Variants in SETD1B observed in about 807,000 individuals in gnomAD.
The protein encoded by SETD1B is histone-lysine N-methyltransferase SETD1B.
In SETD1B, 7 loss-of-function variants were observed where a neutral mutation model predicts 148.0. The observed-to-expected ratio is 0.05, with a 90% CI of 0.03 to 0.09. The LOEUF (loss-of-function observed/expected upper bound fraction) is 0.09. SETD1B is among the 10% of genes least tolerant of loss of function. SETD1B has a pLI of 1.00. For synonymous variants in SETD1B, 1,361 were observed against 1,186.5 expected, an observed-to-expected ratio of 1.15 and a Z score of -3.02; for missense variants, 2,155 against 2,729.9, an observed-to-expected ratio of 0.79 and a Z score of 4.69.
chr12:121,822,766 T>C lies in SETD1B; in HGVS notation c.4187T>C (p.Leu1396Pro). 6.6e-7 allele frequency: 1 copy of C among 1,516,478 alleles called. No individual in the cohort carries two copies. The highest frequency in any genetic ancestry group is 8.9e-7 in the Non-Finnish European group (1 of 1,125,348). The allele number at this position is 1,516,478 out of a possible 1,614,324, so 93.9% of individuals were successfully genotyped here. A position where few individuals can be genotyped will look rare whatever the true frequency, so the allele number is the denominator to read the frequency against. ...EPPLSGGSSG[L>P]SLSSPQVPGS... ...CCGCTATCAGGGGGCAGCAGTGGCCTGTCCCTGAGCTCTCCGCAAGTGCCC... is the reference window on the plus strand; with the variant it reads ...CCGCTATCAGGGGGCAGCAGTGGCCCGTCCCTGAGCTCTCCGCAAGTGCCC... Residue 1396 changes from leucine to proline, a missense_variant, in exon 12 of 17, where the codon CTG (leucine) becomes CCG (proline). Transcript: ENST00000604567.
rs551154274 is a variant in SETD1B at position 121,830,474 on chromosome 12, G to A, written c.*235G>A. The A allele has an allele frequency of 1.1e-3, 489 of 436,524 alleles. 11 individuals are homozygous for A. The South Asian group carries it at 0.019, about 17-fold the overall frequency. The allele number at this position is 436,524 out of a possible 1,614,324, so 27.0% of individuals were successfully genotyped here. A position where few individuals can be genotyped will look rare whatever the true frequency, so the allele number is the denominator to read the frequency against. ...CCACGTCTCTCTCATTTTAACAAAC[G>A]CCCCTTTCAGGATTTCTGTTTAACT... is the stretch of plus-strand genomic sequence containing the variant. On this transcript the variant is annotated 3_prime_UTR_variant, in exon 17 of 17. Coordinates refer to ENST00000604567, the MANE Select transcript of SETD1B (RefSeq NM_001353345.2). The surrounding 1 kb of genome is among the most constrained non-coding windows in gnomAD (Gnocchi z 5.7).
intron 7 of SETD1B, among the ~76,000 whole-genome samples, chr12:121,815,454 C>A (rs539851059): frequency 6.6e-6 from 1 of 152,020 alleles, no homozygotes; most frequent in South Asian, 2.1e-4. Flanking sequence ...AACTTGACTC[C>A]CCTCACCTCC....
chr12:121,798,669 C>G, the SETD1B span, among the ~76,000 whole-genome samples: 1 of 152,248 alleles, frequency 6.6e-6, no homozygotes, highest in African/African-American at 2.4e-5. Flanking sequence ...TTAATCCGAA[C>G]AGGCCCCCAG....
intron 11 of SETD1B, 89 bp from the exon 12 acceptor site, chr12:121,822,401 G>C: frequency 6.9e-7 from 1 of 1,439,928 alleles, no homozygotes; most frequent in Non-Finnish European, 9.2e-7. Flanking sequence ...TCAGGGCTGT[G>C]AGCCTGCCAG....
Position 121,805,039 on chromosome 12 carries a change from C to T in SETD1B, c.175-79C>T. 1 of 1,489,728 alleles carries T rather than the reference C, an allele frequency of 6.7e-7. No homozygotes were observed. The highest frequency in any genetic ancestry group is 9.1e-7 in the Non-Finnish European group (1 of 1,099,252). The allele number at this position is 1,489,728 out of a possible 1,614,324, so 92.3% of individuals were successfully genotyped here. A position where few individuals can be genotyped will look rare whatever the true frequency, so the allele number is the denominator to read the frequency against. On this transcript the variant is annotated intron_variant, in intron 2 of 16. Coordinates refer to ENST00000604567, the MANE Select transcript of SETD1B (RefSeq NM_001353345.2). This position sits in a 1 kb window ranked among gnomAD's most constrained non-coding sequence, Gnocchi z 4.2. Reference sequence around the variant, plus strand: ...ACGGGGCCCCAGCCCTGGAGTTTGACAAGTGCCTCGAGAAAGGGGTCTGCC... The same window carrying T: ...ACGGGGCCCCAGCCCTGGAGTTTGATAAGTGCCTCGAGAAAGGGGTCTGCC...
At position 121,811,432 on chromosome 12, in the gene SETD1B, A is replaced by C. The variant is rs1178423578; in HGVS notation, c.1890+597A>C. On this transcript the variant is annotated intron_variant, in intron 6 of 16. Coordinates refer to ENST00000604567, the MANE Select transcript of SETD1B (RefSeq NM_001353345.2). Reference sequence around the variant, plus strand: ...CCAGGGATGAAGGAGTTAAGAGCTAACTTGGGGTGGGGGTGGGGTGCCATG... The same window carrying C: ...CCAGGGATGAAGGAGTTAAGAGCTACCTTGGGGTGGGGGTGGGGTGCCATG... 1.7e-4 allele frequency among the ~76,000 whole-genome samples: 20 copies of C among 115,212 alleles called. No individual in the cohort carries two copies. The Admixed American group carries it at 2.2e-3, about 13-fold the overall frequency. The allele number at this position is 115,212 out of a possible 152,430, so 75.6% of individuals were successfully genotyped here. A position where few individuals can be genotyped will look rare whatever the true frequency, so the allele number is the denominator to read the frequency against.
chr12:121,796,967 G>C, the SETD1B span, among the ~76,000 whole-genome samples: 8 of 152,016 alleles, frequency 5.3e-5, no homozygotes, highest in African/African-American at 1.9e-4. Flanking sequence ...AACCCTGGAG[G>C]CGGAGGTTGC....
chr12:121,810,485 C>T lies in SETD1B; in HGVS notation c.1540C>T (p.Leu514=), dbSNP rs1171620981. 2 of 1,547,484 alleles carry T rather than the reference C, an allele frequency of 1.3e-6. No homozygotes were observed. The highest frequency in any genetic ancestry group is 1.7e-6 in the Non-Finnish European group (2 of 1,147,066). The part of the protein sequence containing the change: ...EMLLKEQRTK[L]LFLREPDSDT... ...GCTGCTGAAGGAGCAGCGCACCAAGCTGCTCTTCCTGAGGGAGCCGGACTC... is the reference window on the plus strand; with the variant it reads ...GCTGCTGAAGGAGCAGCGCACCAAGTTGCTCTTCCTGAGGGAGCCGGACTC... Residue 514 remains leucine, a synonymous_variant, in exon 6 of 17, where the codon CTG becomes TTG. Coordinates refer to ENST00000604567, the MANE Select transcript of SETD1B (RefSeq NM_001353345.2). The surrounding 1 kb of genome is among the most constrained non-coding windows in gnomAD (Gnocchi z 7.6).
intron 6 of SETD1B, among the ~76,000 whole-genome samples, chr12:121,813,454 C>G (rs1482134351): frequency 6.6e-6 from 1 of 152,232 alleles, no homozygotes; most frequent in African/African-American, 2.4e-5. Context: ...GAACCACTTC[C>G]TGGTTCAAAT....
the SETD1B span, among the ~76,000 whole-genome samples, chr12:121,790,477 A>G: frequency 6.6e-6 from 1 of 152,186 alleles, no homozygotes; most frequent in Non-Finnish European, 1.5e-5. Context: ...GCCGAGATGA[A>G]TCATCTCCGG....
At chr12:121,801,159 C>G (rs1269580834), upstream of SETD1B, 1 of 152,232 alleles carries the variant, frequency 6.6e-6, no homozygotes, top group Non-Finnish European at 1.5e-5. Flanking sequence ...GCCCCGGAGC[C>G]CCGAGAAGCC....
upstream of SETD1B, chr12:121,800,402 C>T (rs1177032755): frequency 1.3e-5 from 2 of 152,110 alleles, no homozygotes; most frequent in African/African-American, 4.8e-5. Context: ...CAGAGGGCGA[C>T]TGGGAGGTCG....
Position 121,822,475 on chromosome 12 carries a change from C to G in SETD1B, c.3911-15C>G, listed in dbSNP as rs1331668993. On this transcript the variant is annotated splice_polypyrimidine_tract_variant and intron_variant, in intron 11 of 16. Transcript: ENST00000604567. ...TTGAATAGTAAATGTCTCGTGTTCG[C>G]TCACCTCTCTGCAGAACATGACCTG... 3 of 1,522,446 alleles carry G rather than the reference C, an allele frequency of 2.0e-6. No homozygotes were observed. The highest frequency in any genetic ancestry group is 4.2e-5 in the Admixed American group (2 of 47,650). 94.3% of individuals were successfully genotyped at this position (1,522,446 alleles called of 1,614,324 possible). A position where few individuals can be genotyped will look rare whatever the true frequency, so the allele number is the denominator to read the frequency against.
At chr12:121,813,456 G>C (rs1436200619) in intron 6 of SETD1B, among the ~76,000 whole-genome samples, 1 of 152,222 alleles carries the variant, frequency 6.6e-6, no homozygotes, top group South Asian at 2.1e-4. Context: ...ACCACTTCCT[G>C]GTTCAAATCC....
At position 121,805,814 on chromosome 12, in the gene SETD1B, T is replaced by A; in HGVS notation, c.274-21T>A. 2 of 1,547,314 alleles carry A rather than the reference T, an allele frequency of 1.3e-6. No individual in the cohort carries two copies. The highest frequency in any genetic ancestry group is 1.7e-4 in the Middle Eastern group (1 of 5,950). On this transcript the variant is annotated intron_variant, in intron 3 of 16. Transcript: ENST00000604567. This position sits in a 1 kb window ranked among gnomAD's most constrained non-coding sequence, Gnocchi z 4.2. ...AGGTTTAAACGTTCTTCAAACTCCC[T>A]TCCCCCTCGGCCCCTGCCAGATCGA...
the SETD1B span, among the ~76,000 whole-genome samples, chr12:121,791,769 G>A: frequency 6.6e-6 from 1 of 152,224 alleles, no homozygotes; most frequent in African/African-American, 2.4e-5. Context: ...AGGCCCTGAT[G>A]GCAGAGGAGG....
chr12:121,819,998 G>A (rs1876493459), intron 11 of SETD1B, 103 bp downstream of exon 11: 3 of 977,922 alleles, frequency 3.1e-6, no homozygotes, highest in Non-Finnish European at 4.5e-6. Flanking sequence ...ACCGTCCCCA[G>A]CCTCAGTTTC....
upstream of SETD1B, chr12:121,803,630 C>T (rs1875525772): frequency 6.6e-6 from 1 of 152,162 alleles, no homozygotes; most frequent in African/African-American, 2.4e-5. The surrounding 1 kb of genome is among the most constrained non-coding windows in gnomAD (Gnocchi z 4.7). Flanking sequence ...TCCCCGGGCC[C>T]CGCGCGCCCG....
At position 121,805,239 on chromosome 12, in the gene SETD1B, C is replaced by T. The variant is rs1248231052; in HGVS notation, c.273+23C>T. ...AAGGTAGGACCCCTCCCCACTGCCC[C>T]GCCGTCCCTCCCCCACCTCCCCGAG... On this transcript the variant is annotated intron_variant, in intron 3 of 16. Transcript: ENST00000604567. The surrounding 1 kb of genome is among the most constrained non-coding windows in gnomAD (Gnocchi z 4.2). 1 of 1,523,098 alleles carries T rather than the reference C, an allele frequency of 6.6e-7. No individual in the cohort carries two copies. The highest frequency in any genetic ancestry group is 1.2e-5 in the South Asian group (1 of 83,436). The allele number at this position is 1,523,098 out of a possible 1,614,324, so 94.3% of individuals were successfully genotyped here. A position where few individuals can be genotyped will look rare whatever the true frequency, so the allele number is the denominator to read the frequency against.
Sources: gnomAD v4.1 joint callset for allele counts (sites outside exome capture counted in the v4.1 genomes callset) on GRCh38, gnomAD v4.1.1 for gene constraint, Gnocchi (gnomAD v3.1) non-coding constraint, MANE v1.5 for transcripts, NCBI Gene and HGNC (gene_info 2026-07-23, HGNC 2026-07-21) for gene names.